The following SRBD1 variants were observed in gnomAD, a reference collection of about 807,000 sequenced individuals.
SRBD1 encodes the protein S1 RNA binding domain 1, also known as S1 RNA-binding domain-containing protein 1.
In SRBD1, 88 loss-of-function variants were observed where a neutral mutation model predicts 115.3. The observed-to-expected ratio is 0.76, with a 90% CI of 0.64 to 0.91. The LOEUF (loss-of-function observed/expected upper bound fraction) is 0.91. Ranked by LOEUF, SRBD1 falls within the 40% of genes least tolerant of loss-of-function variation. The pLI is 0.00. For synonymous variants in SRBD1, 509 were observed against 407.7 expected (o/e 1.25, Z -2.99); for missense variants, 1,385 against 1,177.4 (o/e 1.18, Z -2.58).
At position 45,426,160 on chromosome 2, in the gene SRBD1, G is replaced by C. The variant is rs143787694; in HGVS notation, c.2050-6266C>G. ...TCAACCTGGGATGCTAGAGCTTGGT[G>C]GGGGGAGAGGCACCCATCATTACTG... On this transcript the variant is annotated intron_variant, in intron 16 of 20. Coordinates refer to ENST00000263736, the MANE Select transcript of SRBD1 (RefSeq NM_018079.5). 2.0e-5 allele frequency among the ~76,000 whole-genome samples: 3 copies of C among 152,152 alleles called. No individual in the cohort carries two copies. The South Asian group carries it at 6.2e-4, about 32-fold the overall frequency.
intron 10 of SRBD1, among the ~76,000 whole-genome samples, chr2:45,556,218 A>C (rs547227501): frequency 5.9e-5 from 9 of 152,288 alleles, no homozygotes; most frequent in African/African-American, 2.2e-4. Flanking sequence ...TGCCTGAAGG[A>C]ATTAGGGATA....
chr2:45,601,155 C>G (rs1194895573), intron 3 of SRBD1, among the ~76,000 whole-genome samples: 1 of 152,200 alleles, frequency 6.6e-6, no homozygotes, highest in South Asian at 2.1e-4. Context: ...TTAAAACATT[C>G]AATTGTGATT....
intron 14 of SRBD1, among the ~76,000 whole-genome samples, chr2:45,508,151 T>C (rs1332965934): frequency 1.3e-5 from 2 of 152,126 alleles, no homozygotes; most frequent in Non-Finnish European, 2.9e-5. Context: ...TTCTTGAAAA[T>C]TGTTTTTAAA....
intron 14 of SRBD1, among the ~76,000 whole-genome samples, chr2:45,513,900 C>T (rs772246845): frequency 6.6e-6 from 1 of 152,028 alleles, no homozygotes; most frequent in African/African-American, 2.4e-5. Flanking sequence ...CTGGTAATAG[C>T]TACCATATTA....
chr2:45,581,021 C>T (rs571129584), intron 6 of SRBD1, among the ~76,000 whole-genome samples: 1 of 152,206 alleles, frequency 6.6e-6, no homozygotes, highest in African/African-American at 2.4e-5. Context: ...CTCCAACCCA[C>T]CATCATCTGG....
intron 9 of SRBD1, among the ~76,000 whole-genome samples, chr2:45,570,685 C>T (rs946573937): frequency 5.3e-5 from 8 of 152,204 alleles, no homozygotes; most frequent in African/African-American, 1.9e-4. Flanking sequence ...GCACTTTTAA[C>T]GTACCCCAGT....
In SRBD1 at chr2:45,418,559, G is replaced by T; in HGVS notation, c.2157-18C>A. 6.4e-7 allele frequency: 1 copy of T among 1,553,432 alleles called. No homozygotes were observed. Among genetic ancestry groups the T allele is most frequent in the East Asian group, 2.4e-5 (1 of 42,066 alleles). On this transcript the variant is annotated intron_variant, in intron 17 of 20. Transcript: ENST00000263736. ...CAATATGCCTAGAAAAAAAAAATAA[G>T]CAAACTGAAAAAAAGATCTCATCTG...
At chr2:45,498,487 T>C (rs1021222793) in intron 14 of SRBD1, among the ~76,000 whole-genome samples, 3 of 152,190 alleles carry the variant, frequency 2.0e-5, no homozygotes, top group African/African-American at 4.8e-5. Flanking sequence ...TCTGTAATGA[T>C]CAAATCAGGG....
In SRBD1 at chr2:45,500,422, TATTG is replaced by T. The variant is rs977078506; in HGVS notation, c.1875-12095_1875-12092del. 7.4e-5 allele frequency among the ~76,000 whole-genome samples: 11 copies of T among 148,604 alleles called. No homozygotes were observed. In the Admixed American group the frequency reaches 7.4e-4, roughly 10 times the overall value. ...GATTGCTGCTAGTATATATAAACAA[TATTG>T]ATTTTTTTTTTTTTAAGACAAGGTC... On this transcript the variant is annotated intron_variant, in intron 14 of 20. Transcript: ENST00000263736.
At chr2:45,536,629 T>C (rs1203913998) in intron 14 of SRBD1, among the ~76,000 whole-genome samples, 2 of 152,152 alleles carry the variant, frequency 1.3e-5, no homozygotes, top group African/African-American at 2.4e-5. Flanking sequence ...GAAAATTCTA[T>C]CCATTAATTT....
intron 16 of SRBD1, among the ~76,000 whole-genome samples, chr2:45,434,974 C>T (rs1180864289): frequency 1.3e-5 from 2 of 151,646 alleles, no homozygotes; most frequent in Non-Finnish European, 2.9e-5. Flanking sequence ...CCTGTGTCCA[C>T]GTGTTCTCAT....
chr2:45,554,672 C>A (rs895931713), intron 10 of SRBD1, among the ~76,000 whole-genome samples: 9 of 152,042 alleles, frequency 5.9e-5, no homozygotes, highest in African/African-American at 2.2e-4. Context: ...CTGAAACGGT[C>A]CCTATAAACC....
At position 45,574,738 on chromosome 2, in the gene SRBD1, T is replaced by C. The variant is rs372199801; in HGVS notation, c.1073-15A>G. 101 of 1,589,216 alleles carry C rather than the reference T, an allele frequency of 6.4e-5. No individual in the cohort carries two copies. The highest frequency in any genetic ancestry group is 8.4e-5 in the Non-Finnish European group (98 of 1,172,156). ...CGTTGAAAGCCCTTTAGGAGAAGGG[T>C]AAAAAGGAAAACAAAAACAAAAAGT... is the stretch of plus-strand genomic sequence containing the variant. On this transcript the variant is annotated splice_polypyrimidine_tract_variant and intron_variant, in intron 7 of 20. Coordinates refer to ENST00000263736, the MANE Select transcript of SRBD1 (RefSeq NM_018079.5).
chr2:45,416,346 T>C (rs1667831842), intron 18 of SRBD1, among the ~76,000 whole-genome samples: 1 of 152,168 alleles, frequency 6.6e-6, no homozygotes, highest in African/African-American at 2.4e-5. Context: ...GGTAGCAATA[T>C]TCCATTCTGA....
At chr2:45,523,046 T>C (rs1368442214) in intron 14 of SRBD1, among the ~76,000 whole-genome samples, 2 of 151,906 alleles carry the variant, frequency 1.3e-5, no homozygotes, top group African/African-American at 4.8e-5. Context: ...GCATGTGATA[T>C]AAAGGATACT....
intron 16 of SRBD1, among the ~76,000 whole-genome samples, chr2:45,437,227 T>G (rs1200829269): frequency 6.6e-6 from 1 of 151,962 alleles, no homozygotes; most frequent in Admixed American, 6.6e-5. Context: ...CTAAAGTTTA[T>G]ATAGAGAGCT....
At chr2:45,433,928 C>G (rs1002694134) in intron 16 of SRBD1, among the ~76,000 whole-genome samples, 4 of 152,108 alleles carry the variant, frequency 2.6e-5, no homozygotes, top group Non-Finnish European at 4.4e-5. Context: ...CTATAAGGCT[C>G]TGGGATTAAG....
chr2:45,414,336 A>C (rs111231211), intron 18 of SRBD1, among the ~76,000 whole-genome samples: 117 of 152,292 alleles, frequency 7.7e-4, no homozygotes, highest in African/African-American at 2.5e-3. Context: ...GAACTACAAG[A>C]AACAGTGCAG....
chr2:45,410,621 T>C (rs951820707), intron 19 of SRBD1, among the ~76,000 whole-genome samples: 1 of 152,150 alleles, frequency 6.6e-6, no homozygotes, highest in East Asian at 1.9e-4. Context: ...GTCCCCTAGA[T>C]ACCTTCAGGA....
Sources: gnomAD v4.1 joint callset for allele counts (sites outside exome capture counted in the v4.1 genomes callset) on GRCh38, gnomAD v4.1.1 for gene constraint, MANE v1.5 for transcripts, NCBI Gene and HGNC (gene_info 2026-07-23, HGNC 2026-07-21) for gene names.